Variants in ZCCHC9 observed in about 807,000 individuals in gnomAD.
ZCCHC9 encodes the protein zinc finger CCHC-type containing 9.
ZCCHC9 carries 18 observed loss-of-function variants against 30.8 expected under a neutral mutation model. The ratio of observed to expected loss-of-function variants is 0.58; its 90% CI spans 0.40 to 0.87. The LOEUF (loss-of-function observed/expected upper bound fraction) is 0.87. ZCCHC9 is among the 40% of genes least tolerant of loss of function. The pLI is 0.00. For synonymous variants in ZCCHC9, 94 were observed against 106.7 expected, an observed-to-expected ratio of 0.88 and a Z score of 0.73; for missense variants, 279 against 331.2, an observed-to-expected ratio of 0.84 and a Z score of 1.22.
chr5:81,304,000 G>A lies in ZCCHC9; in HGVS notation c.-17-741G>A, dbSNP rs998846770. The A allele has an allele frequency of 3.3e-5, 5 of 152,148 alleles. No individual in the cohort carries two copies. The South Asian group carries it at 6.2e-4, about 19-fold the overall frequency. 9.4% of individuals were successfully genotyped at this position (152,148 alleles called of 1,614,324 possible). The stretch of plus-strand genomic sequence containing the variant: ...GTGTTAGGATAAATTACTTCTTTAT[G>A]TATGTGCTCTAAAATGAAAAGTTAT... On this transcript the variant is annotated intron_variant, in intron 1 of 5. Coordinates refer to ENST00000407610, the MANE Select transcript of ZCCHC9 (RefSeq NM_001131035.2).
chr5:81,305,080 A>G lies in ZCCHC9; in HGVS notation c.323A>G (p.Lys108Arg). 1 of 1,609,644 alleles carries G rather than the reference A, an allele frequency of 6.2e-7. No individual in the cohort carries two copies. Among genetic ancestry groups the G allele is most frequent in the South Asian group, 1.1e-5 (1 of 89,584 alleles). Reference sequence around the variant, plus strand: ...AGGGAAGAAATTGCAGTTGCTTTAAAGAAAGACAGTCGACGGGAAGGAAGA... The same window carrying G: ...AGGGAAGAAATTGCAGTTGCTTTAAGGAAAGACAGTCGACGGGAAGGAAGA... ...EVREEIAVAL[K>R]KDSRREGRRL... Residue 108 changes from lysine to arginine, a missense_variant, in exon 2 of 6, where the codon AAG becomes AGG. Transcript: ENST00000407610.
In ZCCHC9 at chr5:81,306,165, CCACTT is replaced by C. The variant is rs1450798658; in HGVS notation, c.384+1027_384+1031del. Among the ~76,000 whole-genome samples, 3 of 152,154 alleles carry C rather than the reference CCACTT, an allele frequency of 2.0e-5. No individual in the cohort carries two copies. The East Asian group carries it at 5.8e-4, about 29-fold the overall frequency. On this transcript the variant is annotated intron_variant, in intron 2 of 5. Coordinates refer to ENST00000407610, the MANE Select transcript of ZCCHC9 (RefSeq NM_001131035.2). ...TGAGTTTCCCAAGCCTCCTAGTACACCACTTCATAAGAATGAGGACTTGTTGCTAG... is the reference window on the plus strand; with the variant it reads ...TGAGTTTCCCAAGCCTCCTAGTACACCATAAGAATGAGGACTTGTTGCTAG...
At chr5:81,308,023 A>AAACTATCTG (rs1554049984) in intron 2 of ZCCHC9, among the ~76,000 whole-genome samples, 1 of 15,968 alleles carries the variant, frequency 6.3e-5, no homozygotes, top group African/African-American at 1.9e-4. Flanking sequence ...AAAAAAAAAA[A>AAACTATCTG]TCTATCTATC....
chr5:81,305,574 A>G (rs1367644920), intron 2 of ZCCHC9, among the ~76,000 whole-genome samples: 2 of 147,808 alleles, frequency 1.4e-5, no homozygotes, highest in Non-Finnish European at 3.0e-5. Flanking sequence ...CCAGGGCCAC[A>G]TAGGGAGACG....
chr5:81,310,728 C>T (rs915673106), intron 4 of ZCCHC9, among the ~76,000 whole-genome samples: 1 of 152,164 alleles, frequency 6.6e-6, no homozygotes, highest in Non-Finnish European at 1.5e-5. Flanking sequence ...CAAAAATTAA[C>T]TTTATTTCTT....
At chr5:81,305,850 A>G (rs1758070159) in intron 2 of ZCCHC9, among the ~76,000 whole-genome samples, 1 of 152,242 alleles carries the variant, frequency 6.6e-6, no homozygotes, top group South Asian at 2.1e-4. Flanking sequence ...AAGATGAAGT[A>G]GAACAGGTTA....
intron 2 of ZCCHC9, among the ~76,000 whole-genome samples, chr5:81,307,090 C>T (rs1313284371): frequency 2.0e-5 from 3 of 151,986 alleles, no homozygotes; most frequent in East Asian, 3.9e-4. Context: ...TTTAAAAAAA[C>T]CTGTGCTTAT....
At chr5:81,307,714 T>C (rs1292478979) in intron 2 of ZCCHC9, among the ~76,000 whole-genome samples, 1 of 151,506 alleles carries the variant, frequency 6.6e-6, no homozygotes, top group African/African-American at 2.4e-5. Context: ...ATATATCTTA[T>C]GGCCAGGCGT....
At chr5:81,311,344 CT>C (rs1269067407) in intron 5 of ZCCHC9, 65 bp downstream of exon 5, 1 of 1,499,802 alleles carries the variant, frequency 6.7e-7, no homozygotes, top group Admixed American at 1.7e-5. Flanking sequence ...TTATTCTGCA[CT>C]TGTTATTAAT....
At chr5:81,312,232 T>C (rs903393685) in intron 5 of ZCCHC9, among the ~76,000 whole-genome samples, 2 of 152,228 alleles carry the variant, frequency 1.3e-5, no homozygotes, top group African/African-American at 4.8e-5. Context: ...AGCCTTGCTG[T>C]TTACAGACTC....
At chr5:81,308,480 T>C in intron 2 of ZCCHC9, 81 bp from the exon 3 acceptor site, 1 of 1,413,786 alleles carries the variant, frequency 7.1e-7, no homozygotes, top group Non-Finnish European at 9.3e-7. Flanking sequence ...AGAAATGTTT[T>C]AAATATGTTT....
Position 81,311,297 on chromosome 5 carries a change from C to T in ZCCHC9, c.697+18C>T, listed in dbSNP as rs116634245. 4,022 of 1,612,924 alleles carry T rather than the reference C, an allele frequency of 2.5e-3. 74 individuals are homozygous for T. In the African/African-American group the frequency reaches 0.047, roughly 19 times the overall value. On this transcript the variant is annotated intron_variant, in intron 5 of 5. Coordinates refer to ENST00000407610, the MANE Select transcript of ZCCHC9 (RefSeq NM_001131035.2). Reference sequence around the variant, plus strand: ...GAATTCAGGTGAGATCTCTGGGCCTCTACTTAGAAGGGGTGAGATTAGTAT... The same window carrying T: ...GAATTCAGGTGAGATCTCTGGGCCTTTACTTAGAAGGGGTGAGATTAGTAT...
intron 1 of ZCCHC9, chr5:81,302,527 T>G (rs1212309300): frequency 6.6e-6 from 1 of 152,190 alleles, no homozygotes; most frequent in Non-Finnish European, 1.5e-5. Flanking sequence ...CATGCTCCCC[T>G]TAAGAACTGG....
chr5:81,305,797 C>T (rs73132995), intron 2 of ZCCHC9, among the ~76,000 whole-genome samples: 2 of 152,214 alleles, frequency 1.3e-5, no homozygotes, highest in African/African-American at 4.8e-5. Context: ...TTCCAATAGC[C>T]CCTTTTTCAA....
intron 2 of ZCCHC9, among the ~76,000 whole-genome samples, chr5:81,307,976 TG>T (rs1758128617): frequency 8.6e-6 from 1 of 115,612 alleles, no homozygotes; most frequent in African/African-American, 3.5e-5. Flanking sequence ...GCCTGGGTGA[TG>T]GAGTAAGACT....
In ZCCHC9 at chr5:81,312,688, C is replaced by T. The variant is rs1309044164; in HGVS notation, c.*26C>T. The T allele has an allele frequency of 6.6e-7, 1 of 1,521,208 alleles. No individual in the cohort carries two copies. The highest frequency in any genetic ancestry group is 1.4e-5 in the African/African-American group (1 of 72,908). The allele number at this position is 1,521,208 out of a possible 1,614,324, so 94.2% of individuals were successfully genotyped here. ...TAACAGCTAGCACTATCATGAGTTA[C>T]TACCTCATTGTTACTTTCTAAACCA... On this transcript the variant is annotated 3_prime_UTR_variant, in exon 6 of 6. Coordinates refer to ENST00000407610, the MANE Select transcript of ZCCHC9 (RefSeq NM_001131035.2).
chr5:81,308,911 A>G (rs773015073), intron 3 of ZCCHC9, 35 bp from the exon 4 acceptor site: 10 of 1,566,688 alleles, frequency 6.4e-6, no homozygotes, highest in South Asian at 1.2e-5. Context: ...TGCCATATGT[A>G]TTGTCAACTG....
rs1035509382 is a variant in ZCCHC9, at chr5:81,304,639, A to G, written c.-17-102A>G. 10 of 985,948 alleles carry G rather than the reference A, an allele frequency of 1.0e-5. No individual in the cohort carries two copies. The African/African-American group carries it at 1.6e-4, about 16-fold the overall frequency. The allele number at this position is 985,948 out of a possible 1,614,324, so 61.1% of individuals were successfully genotyped here. On this transcript the variant is annotated intron_variant, in intron 1 of 5. Transcript: ENST00000407610. ...GTGTTTTAATAATTAAAAGTTTAAC[A>G]TATGGGCATATGTGACATATAGTGA... is the stretch of plus-strand genomic sequence containing the variant.
rs116230666 is a variant in ZCCHC9 at position 81,305,747 on chromosome 5, G to A, written c.384+606G>A. ...TGCATTTCAGTCTGGGTGACAAAAC[G>A]AGAGTTCGTCCTCCAAAAAAACCAA... On this transcript the variant is annotated intron_variant, in intron 2 of 5. Coordinates refer to ENST00000407610, the MANE Select transcript of ZCCHC9 (RefSeq NM_001131035.2). Among the ~76,000 whole-genome samples the A allele has an allele frequency of 3.0e-3, 455 of 152,260 alleles. 2 individuals carry two copies. Among genetic ancestry groups the A allele is most frequent in the African/African-American group, 1.0e-2 (415 of 41,544 alleles).
Sources: gnomAD v4.1 joint callset for allele counts (sites outside exome capture counted in the v4.1 genomes callset) on GRCh38, gnomAD v4.1.1 for gene constraint, MANE v1.5 for transcripts, NCBI Gene and HGNC (gene_info 2026-07-23, HGNC 2026-07-21) for gene names.